LRRTM3: variants seen among roughly 807,000 people sequenced by gnomAD.
LRRTM3 encodes the protein leucine-rich repeat transmembrane neuronal protein 3.
In LRRTM3, 24 loss-of-function variants were observed where a neutral mutation model predicts 44.7. The ratio of observed to expected loss-of-function variants is 0.54; its 90% CI spans 0.39 to 0.76. The LOEUF is 0.76. Ranked by LOEUF, LRRTM3 falls within the 30% of genes least tolerant of loss-of-function variation. LRRTM3 has a pLI of 0.00. For synonymous variants in LRRTM3, 277 were observed against 278.7 expected (o/e 0.99, Z 0.06); for missense variants, 587 against 702.2 (o/e 0.84, Z 1.85).
At chr10:66,956,805 G>C (rs1417334835) in intron 2 of LRRTM3, among the ~76,000 whole-genome samples, 2 of 152,202 alleles carry the variant, frequency 1.3e-5, no homozygotes, top group African/African-American at 4.8e-5. Flanking sequence ...AACTGATGCA[G>C]TGACAGGCTC....
chr10:67,077,149 C>G (rs556228473), intron 2 of LRRTM3, among the ~76,000 whole-genome samples: 5 of 152,284 alleles, frequency 3.3e-5, no homozygotes, highest in African/African-American at 9.6e-5. Context: ...TGTGGCCACT[C>G]CCTGCATCCA....
chr10:67,064,289 TG>T (rs1247100274), intron 2 of LRRTM3, among the ~76,000 whole-genome samples: 2 of 152,212 alleles, frequency 1.3e-5, no homozygotes, highest in Non-Finnish European at 2.9e-5. Flanking sequence ...AGCTACACTA[TG>T]TATTAGCATT....
intron 2 of LRRTM3, among the ~76,000 whole-genome samples, chr10:66,949,736 A>G (rs1848442714): frequency 6.6e-6 from 1 of 152,214 alleles, no homozygotes; most frequent in Admixed American, 6.5e-5. Flanking sequence ...GGCAAATACC[A>G]GCAGACTTGC....
chr10:66,978,988 A>G (rs1850250614), intron 2 of LRRTM3, among the ~76,000 whole-genome samples: 1 of 114,898 alleles, frequency 8.7e-6, no homozygotes, highest in South Asian at 2.7e-4. Context: ...TTTTTTTGAG[A>G]CAGTCTTGCT....
intron 2 of LRRTM3, among the ~76,000 whole-genome samples, chr10:67,085,294 CTTGT>C (rs1329467827): frequency 1.3e-5 from 2 of 151,458 alleles, no homozygotes; most frequent in Non-Finnish European, 1.5e-5. Context: ...GACTAGTCTT[CTTGT>C]TTATTATTTA....
At chr10:67,002,090 T>TA (rs1026568543) in intron 2 of LRRTM3, among the ~76,000 whole-genome samples, 13 of 152,140 alleles carry the variant, frequency 8.5e-5, no homozygotes, top group Non-Finnish European at 1.6e-4. Context: ...TTTCTTCACC[T>TA]AAAAAAATGA....
At position 66,953,274 on chromosome 10, in the gene LRRTM3, G is replaced by A. The variant is rs547111969; in HGVS notation, c.1536+24822G>A. On this transcript the variant is annotated intron_variant, in intron 2 of 2. Transcript: ENST00000361320. Reference sequence around the variant, plus strand: ...ATCACAGAAAAGTAATTCTTATGAAGAAGGAAATCATTAATTGTCTTTGAA... The same window carrying A: ...ATCACAGAAAAGTAATTCTTATGAAAAAGGAAATCATTAATTGTCTTTGAA... Among the ~76,000 whole-genome samples the A allele has an allele frequency of 3.0e-4, 46 of 152,268 alleles. No individual in the cohort carries two copies. In the South Asian group the frequency reaches 8.3e-3, roughly 27 times the overall value.
chr10:66,993,854 T>C (rs1019016758), intron 2 of LRRTM3, among the ~76,000 whole-genome samples: 4 of 152,202 alleles, frequency 2.6e-5, no homozygotes, highest in African/African-American at 9.6e-5. Flanking sequence ...GTCTAAGCTT[T>C]ATAATTTCTT....
intron 2 of LRRTM3, among the ~76,000 whole-genome samples, chr10:66,982,588 C>T (rs917372664): frequency 6.6e-6 from 1 of 151,986 alleles, no homozygotes; most frequent in African/African-American, 2.4e-5. Context: ...AAGAATAAAA[C>T]AGTAGGTACT....
intron 2 of LRRTM3, among the ~76,000 whole-genome samples, chr10:66,947,430 G>C (rs1327128684): frequency 2.6e-5 from 4 of 151,972 alleles, no homozygotes; most frequent in African/African-American, 9.7e-5. Context: ...GGGTCCATGG[G>C]GAAAGGGGAA....
intron 2 of LRRTM3, among the ~76,000 whole-genome samples, chr10:67,076,732 C>T (rs1027497925): frequency 2.6e-5 from 4 of 152,012 alleles, no homozygotes; most frequent in Admixed American, 2.0e-4. Context: ...ATTTAGGTAA[C>T]GGGGAAAATA....
At chr10:66,930,185 T>C (rs959760194) in intron 2 of LRRTM3, among the ~76,000 whole-genome samples, 1 of 150,674 alleles carries the variant, frequency 6.6e-6, no homozygotes, top group African/African-American at 2.5e-5. Context: ...GAAAAAGAAA[T>C]AGTTAAAGTG....
intron 2 of LRRTM3, among the ~76,000 whole-genome samples, chr10:67,075,422 G>C (rs1856697873): frequency 6.6e-6 from 1 of 152,160 alleles, no homozygotes; most frequent in Non-Finnish European, 1.5e-5. Flanking sequence ...AGGTAAATGA[G>C]AGCAGAGTTG....
At chr10:67,022,043 G>A (rs1238671853) in intron 2 of LRRTM3, among the ~76,000 whole-genome samples, 2 of 152,160 alleles carry the variant, frequency 1.3e-5, no homozygotes, top group Non-Finnish European at 2.9e-5. Context: ...TTGGAAGTAC[G>A]AAGTGTATTT....
intron 2 of LRRTM3, among the ~76,000 whole-genome samples, chr10:67,062,740 A>G (rs1166419160): frequency 6.6e-6 from 1 of 152,144 alleles, no homozygotes; most frequent in Non-Finnish European, 1.5e-5. Flanking sequence ...AGAATTTCTT[A>G]CCAGCATGGT....
intron 2 of LRRTM3, among the ~76,000 whole-genome samples, chr10:67,077,195 A>T (rs1856788714): frequency 6.6e-6 from 1 of 152,146 alleles, no homozygotes. Context: ...ATCTTCCAGT[A>T]GCCTTTGAAC....
chr10:66,936,971 T>C (rs908160516), intron 2 of LRRTM3, among the ~76,000 whole-genome samples: 1 of 152,166 alleles, frequency 6.6e-6, no homozygotes, highest in Non-Finnish European at 1.5e-5. Context: ...TGTAAAGCAC[T>C]CTGAAATCAT....
At chr10:67,086,346 C>A (rs1857306693) in intron 2 of LRRTM3, among the ~76,000 whole-genome samples, 1 of 151,908 alleles carries the variant, frequency 6.6e-6, no homozygotes, top group Non-Finnish European at 1.5e-5. Flanking sequence ...TTAGTTGGGA[C>A]AGAATATCAC....
chr10:67,033,135 G>T (rs114193941), intron 2 of LRRTM3, among the ~76,000 whole-genome samples: 3 of 152,130 alleles, frequency 2.0e-5, no homozygotes, highest in Non-Finnish European at 4.4e-5. Context: ...GAAGGAAACC[G>T]ACTGATTTTA....
Sources: allele counts gnomAD v4.1 joint callset (sites outside exome capture counted in the v4.1 genomes callset), GRCh38; gene constraint gnomAD v4.1.1; transcripts MANE v1.5; gene names NCBI Gene and HGNC (gene_info 2026-07-23, HGNC 2026-07-21).